The following PCDHGA2 variants were observed in gnomAD, a reference collection of about 807,000 sequenced individuals.
PCDHGA2 encodes the protein protocadherin gamma subfamily A, 2, also known as protocadherin gamma-A2.
In PCDHGA2, 40 loss-of-function variants were observed where a neutral mutation model predicts 59.2. That is an observed-to-expected ratio of 0.68 (90% confidence interval 0.52 to 0.88). The LOEUF (loss-of-function observed/expected upper bound fraction) is 0.88, where lower values mean the gene tolerates loss of function less well. PCDHGA2 is among the 40% of genes least tolerant of loss of function. The pLI is 0.00. For synonymous variants in PCDHGA2, 560 were observed against 526.0 expected (o/e 1.06, Z -0.89); for missense variants, 1,226 against 1,204.0 (o/e 1.02, Z -0.27).
chr5:141,346,631 G>A (rs1561492643), intron 1 of PCDHGA2: 1 of 974,094 alleles, frequency 1.0e-6, no homozygotes, highest in Non-Finnish European at 1.5e-6. Flanking sequence ...TCCCCGGTCT[G>A]GTTATGGTTG....
At chr5:141,377,633 T>C (rs1357016658) in intron 1 of PCDHGA2, 2 of 152,058 alleles carry the variant, frequency 1.3e-5, no homozygotes, top group Non-Finnish European at 2.9e-5. Flanking sequence ...TTGTTTTTTC[T>C]CAGTGTTACT....
chr5:141,472,494 C>T (rs561045783), intron 1 of PCDHGA2, among the ~76,000 whole-genome samples: 9 of 151,168 alleles, frequency 6.0e-5, no homozygotes, highest in South Asian at 2.1e-4. Context: ...GAGACGAGAT[C>T]GTGCCACTGC....
Position 141,352,659 on chromosome 5 carries a change from T to C in PCDHGA2, c.2424+11264T>C, listed in dbSNP as rs375202989. On this transcript the variant is annotated intron_variant, in intron 1 of 3. Coordinates refer to ENST00000394576, the MANE Select transcript of PCDHGA2 (RefSeq NM_018915.4). ...CACAAAATCGCTTATGACCCTTCTT[T>C]GTCTTCGCACGTGAGTTTCTGCAAA... 269 of 1,595,024 alleles carry C rather than the reference T, an allele frequency of 1.7e-4. No homozygotes were observed. Among genetic ancestry groups the C allele is most frequent in the South Asian group, 2.2e-4 (20 of 89,114 alleles).
chr5:141,475,761 T>C (rs1430719406), intron 1 of PCDHGA2, among the ~76,000 whole-genome samples: 3 of 152,248 alleles, frequency 2.0e-5, no homozygotes, highest in Admixed American at 6.5e-5. Flanking sequence ...GCACCGATAC[T>C]GGCAAGGCGC....
chr5:141,477,298 T>C lies in PCDHGA2; in HGVS notation c.2425-17509T>C. ...TGGTGACCTGCGAAGTTCCACCGGG[T>C]CTCCCTTTCAGCCTTACTTCTTCCC... On this transcript the variant is annotated intron_variant, in intron 1 of 3. Coordinates refer to ENST00000394576, the MANE Select transcript of PCDHGA2 (RefSeq NM_018915.4). This position sits in a 1 kb window ranked among gnomAD's most constrained non-coding sequence, Gnocchi z 4.9. 1 of 1,613,344 alleles carries C rather than the reference T, an allele frequency of 6.2e-7. No individual in the cohort carries two copies. Among genetic ancestry groups the C allele is most frequent in the Non-Finnish European group, 8.5e-7 (1 of 1,179,870 alleles).
At chr5:141,365,654 G>A (rs952946348) in intron 1 of PCDHGA2, 4 of 1,613,378 alleles carry the variant, frequency 2.5e-6, no homozygotes, top group Non-Finnish European at 3.4e-6. Flanking sequence ...CCCCTTGAAA[G>A]TAGCAGACGT....
intron 1 of PCDHGA2, chr5:141,355,805 G>A (rs571571659): frequency 6.2e-7 from 1 of 1,613,322 alleles, no homozygotes; most frequent in Non-Finnish European, 8.5e-7. Flanking sequence ...GCTCTAGATC[G>A]CGAGGAAGAG....
intron 1 of PCDHGA2, chr5:141,421,848 T>C (rs571838248): frequency 4.9e-5 from 79 of 1,613,634 alleles, no homozygotes; most frequent in Non-Finnish European, 6.0e-5. Flanking sequence ...AGAAAGAGGC[T>C]GCTCACCTGC....
At position 141,491,381 on chromosome 5, in the gene PCDHGA2, C is replaced by CT. The variant is rs1554177905; in HGVS notation, c.2425-3426_2425-3425insT. The CT allele has an allele frequency of 2.8e-5, 45 of 1,614,068 alleles. No individual in the cohort carries two copies. Among genetic ancestry groups the CT allele is most frequent in the Non-Finnish European group, 3.5e-5 (41 of 1,179,950 alleles). On this transcript the variant is annotated intron_variant, in intron 1 of 3. Coordinates refer to ENST00000394576, the MANE Select transcript of PCDHGA2 (RefSeq NM_018915.4). This position sits in a 1 kb window ranked among gnomAD's most constrained non-coding sequence, Gnocchi z 6.9. ...CTAGTCACCTTCACCTTTCTGTCAG[C>CT]GAAGTGCCTTCAGGGAAACGCAGAC...
At chr5:141,352,825 T>C (rs1759120516) in intron 1 of PCDHGA2, 2 of 778,004 alleles carry the variant, frequency 2.6e-6, no homozygotes, top group Non-Finnish European at 4.0e-6. Flanking sequence ...CCCGGTCTAC[T>C]AAAATTACAA....
Position 141,431,804 on chromosome 5 carries a change from C to G in PCDHGA2, c.2425-63003C>G. On this transcript the variant is annotated intron_variant, in intron 1 of 3. Transcript: ENST00000394576. This position sits in a 1 kb window ranked among gnomAD's most constrained non-coding sequence, Gnocchi z 4.8. Reference sequence around the variant, plus strand: ...GAACGACAATGCCCCAGAAGTGGTCCTCACCTCTCTCGCCAGCTCGGTTCC... The same window carrying G: ...GAACGACAATGCCCCAGAAGTGGTCGTCACCTCTCTCGCCAGCTCGGTTCC... 6.2e-7 allele frequency: 1 copy of G among 1,614,232 alleles called. No homozygotes were observed. The highest frequency in any genetic ancestry group is 1.3e-5 in the African/African-American group (1 of 75,056).
chr5:141,441,789 A>G (rs889545483), intron 1 of PCDHGA2: 4 of 391,886 alleles, frequency 1.0e-5, no homozygotes, highest in Middle Eastern at 6.4e-4. Context: ...CCTGAATGAC[A>G]ACGCACCGCG....
chr5:141,346,128 G>T, intron 1 of PCDHGA2: 1 of 1,613,952 alleles, frequency 6.2e-7, no homozygotes, highest in East Asian at 2.2e-5. Flanking sequence ...GGCGGTGGCC[G>T]CGGTCTCCTG....
At chr5:141,366,570 G>C (rs373636717) in intron 1 of PCDHGA2, 3 of 1,614,218 alleles carry the variant, frequency 1.9e-6, no homozygotes, top group Admixed American at 3.3e-5. Context: ...GATGGGGTTC[G>C]GGCTTTCCTG....
Position 141,360,032 on chromosome 5 carries a change from T to A in PCDHGA2, c.2424+18637T>A, listed in dbSNP as rs112657435. 771 of 1,390,572 alleles carry A rather than the reference T, an allele frequency of 5.5e-4. 6 individuals are homozygous for A. In the East Asian group the frequency reaches 0.015, roughly 27 times the overall value. The allele number at this position is 1,390,572 out of a possible 1,614,324, so 86.1% of individuals were successfully genotyped here. A position where few individuals can be genotyped will look rare whatever the true frequency, so the allele number is the denominator to read the frequency against. The stretch of plus-strand genomic sequence containing the variant: ...CCACACAGAGAAGGCCAGTATAGAT[T>A]CGGAAACAGAAAACAAAAGCAGGAA... On this transcript the variant is annotated intron_variant, in intron 1 of 3. Transcript: ENST00000394576.
chr5:141,394,263 A>C lies in PCDHGA2; in HGVS notation c.2424+52868A>C, dbSNP rs745926581. The C allele has an allele frequency of 2.5e-6, 4 of 1,613,766 alleles. No homozygotes were observed. In the African/African-American group the frequency reaches 5.3e-5, roughly 22 times the overall value. On this transcript the variant is annotated intron_variant, in intron 1 of 3. Coordinates refer to ENST00000394576, the MANE Select transcript of PCDHGA2 (RefSeq NM_018915.4). ...TGCACACGACCCCGACAGCCAGGAG[A>C]ATGCCCAGGTCACTTACTCTGTGAC...
At chr5:141,473,066 A>G (rs1002054198) in intron 1 of PCDHGA2, among the ~76,000 whole-genome samples, 3 of 152,128 alleles carry the variant, frequency 2.0e-5, no homozygotes, top group African/African-American at 7.2e-5. Context: ...AACAAGTTAC[A>G]GCATCTTTGT....
At chr5:141,449,531 G>A (rs1421489293) in intron 1 of PCDHGA2, among the ~76,000 whole-genome samples, 2 of 149,216 alleles carry the variant, frequency 1.3e-5, no homozygotes, top group Admixed American at 6.7e-5. Flanking sequence ...GGAGGTTGCA[G>A]TGAGCCGAGA....
chr5:141,497,032 T>C (rs1206131945), intron 2 of PCDHGA2, among the ~76,000 whole-genome samples: 1 of 151,652 alleles, frequency 6.6e-6, no homozygotes, highest in East Asian at 1.9e-4. Flanking sequence ...CGATTAAAAA[T>C]ACAAAAATTA....
Sources: allele counts gnomAD v4.1 joint callset (sites outside exome capture counted in the v4.1 genomes callset), GRCh38; gene constraint gnomAD v4.1.1; non-coding constraint Gnocchi (gnomAD v3.1); transcripts MANE v1.5; gene names NCBI Gene and HGNC (gene_info 2026-07-23, HGNC 2026-07-21).